The following CORO2B variants were observed in gnomAD, a reference collection of about 807,000 sequenced individuals.
The protein encoded by CORO2B is coronin-2B.
CORO2B carries 26 observed loss-of-function variants against 58.8 expected under a neutral mutation model. The ratio of observed to expected loss-of-function variants is 0.44; its 90% CI spans 0.32 to 0.61. CORO2B has a LOEUF of 0.61. CORO2B is among the 20% of genes least tolerant of loss of function. The pLI is 0.04. For missense variants in CORO2B, 460 were observed against 645.1 expected (o/e 0.71, Z 3.11); for synonymous variants, 242 against 253.8 (o/e 0.95, Z 0.44).
chr15:68,520,570 A>G, the CORO2B span, among the ~76,000 whole-genome samples: 1 of 152,328 alleles, frequency 6.6e-6, no homozygotes, highest in Admixed American at 6.5e-5. Context: ...TCTCTTGGTT[A>G]CAGTTCACAG....
chr15:68,643,861 A>C (rs1901335487), intron 1 of CORO2B, among the ~76,000 whole-genome samples: 1 of 152,056 alleles, frequency 6.6e-6, no homozygotes, highest in South Asian at 2.1e-4. Context: ...AACATGGTGA[A>C]ATCTGTCTCT....
At chr15:68,719,068 A>C in intron 9 of CORO2B, 76 bp from the exon 10 acceptor site, 1 of 1,180,090 alleles carries the variant, frequency 8.5e-7, no homozygotes, top group Non-Finnish European at 1.3e-6. Context: ...GAGATCAGTA[A>C]GAAGAGTCTG....
At chr15:68,648,599 A>C (rs1386702582) in intron 2 of CORO2B, among the ~76,000 whole-genome samples, 1 of 151,962 alleles carries the variant, frequency 6.6e-6, no homozygotes, top group East Asian at 1.9e-4. Flanking sequence ...GCAGTGAGCC[A>C]AGATTGCGCC....
intron 1 of CORO2B, among the ~76,000 whole-genome samples, chr15:68,636,916 T>C (rs1213697375): frequency 6.6e-6 from 1 of 152,224 alleles, no homozygotes; most frequent in Non-Finnish European, 1.5e-5. Flanking sequence ...TAGCCACATG[T>C]GCCTATTGAG....
the CORO2B span, among the ~76,000 whole-genome samples, chr15:68,549,977 T>TAAATAAATAAAA: frequency 6.6e-6 from 1 of 150,952 alleles, no homozygotes; most frequent in Admixed American, 6.6e-5. Context: ...AATAAATAAA[T>TAAATAAATAAAA]AAATAAAGTT....
chr15:68,641,278 A>G (rs977424011), intron 1 of CORO2B, among the ~76,000 whole-genome samples: 1 of 152,198 alleles, frequency 6.6e-6, no homozygotes, highest in Non-Finnish European at 1.5e-5. Context: ...GTGGTCCCCC[A>G]GGATGCAGCA....
At chr15:68,665,635 G>A (rs896268636) in intron 2 of CORO2B, among the ~76,000 whole-genome samples, 2 of 151,778 alleles carry the variant, frequency 1.3e-5, no homozygotes, top group Non-Finnish European at 2.9e-5. Context: ...TCCTTTTGTG[G>A]TGTATTAAAA....
intron 3 of CORO2B, among the ~76,000 whole-genome samples, chr15:68,703,175 G>A (rs1265378813): frequency 1.6e-5 from 2 of 123,356 alleles, no homozygotes; most frequent in South Asian, 2.5e-4. Context: ...TTTTTGAGAC[G>A]GAGTCTTGCT....
chr15:68,599,235 G>A (rs552233771), intron 1 of CORO2B, among the ~76,000 whole-genome samples: 7 of 152,206 alleles, frequency 4.6e-5, no homozygotes, highest in Admixed American at 1.3e-4. Context: ...ATCTCTCCTT[G>A]CTCCAAACTC....
intron 1 of CORO2B, among the ~76,000 whole-genome samples, chr15:68,614,620 G>A (rs534482993): frequency 6.6e-6 from 1 of 152,178 alleles, no homozygotes; most frequent in Admixed American, 6.5e-5. Context: ...AAGCCCCGGA[G>A]CCCTCACGGT....
chr15:68,611,758 A>G (rs1294936937), intron 1 of CORO2B, among the ~76,000 whole-genome samples: 1 of 150,862 alleles, frequency 6.6e-6, no homozygotes, highest in African/African-American at 2.4e-5. Context: ...AGGTTTTTCC[A>G]ATTTTCCACT....
chr15:68,651,530 A>G (rs1901642504), intron 2 of CORO2B, among the ~76,000 whole-genome samples: 1 of 152,176 alleles, frequency 6.6e-6, no homozygotes, highest in African/African-American at 2.4e-5. Context: ...GATTTGGACC[A>G]TTTCTTGGTG....
intron 3 of CORO2B, among the ~76,000 whole-genome samples, chr15:68,697,358 T>G (rs535425661): frequency 6.6e-6 from 1 of 152,168 alleles, no homozygotes; most frequent in East Asian, 1.9e-4. Context: ...GACAGGTGGG[T>G]AGATGGATGA....
At chr15:68,638,377 T>C (rs983295822) in intron 1 of CORO2B, among the ~76,000 whole-genome samples, 2 of 152,246 alleles carry the variant, frequency 1.3e-5, no homozygotes, top group Non-Finnish European at 2.9e-5. Context: ...TTGTGTTTGG[T>C]CACTTCATTG....
intron 2 of CORO2B, among the ~76,000 whole-genome samples, chr15:68,683,341 C>T (rs1056250145): frequency 6.6e-6 from 1 of 152,172 alleles, no homozygotes; most frequent in Non-Finnish European, 1.5e-5. Context: ...GTCCAGACCC[C>T]GCGTCCCCAG....
At chr15:68,549,731 G>T in the CORO2B span, among the ~76,000 whole-genome samples, 267 of 152,274 alleles carry the variant, frequency 1.8e-3, 2 homozygotes, top group African/African-American at 6.2e-3. Flanking sequence ...TTGAGGTCAG[G>T]AGTTCGAGAG....
At chr15:68,605,153 T>C (rs889591004) in intron 1 of CORO2B, among the ~76,000 whole-genome samples, 3 of 151,390 alleles carry the variant, frequency 2.0e-5, no homozygotes, top group African/African-American at 7.3e-5. Flanking sequence ...AAAGAAAAAC[T>C]TCAATCTCCC....
chr15:68,667,941 T>A (rs1902248375), intron 2 of CORO2B, among the ~76,000 whole-genome samples: 1 of 152,182 alleles, frequency 6.6e-6, no homozygotes, highest in African/African-American at 2.4e-5. Context: ...ATTTCTTATT[T>A]GTAAACGAGA....
intron 1 of CORO2B, chr15:68,616,662 C>T: frequency 1.0e-6 from 1 of 964,402 alleles, no homozygotes; most frequent in Non-Finnish European, 1.2e-6. Context: ...AGCAGGCAAT[C>T]CCATGTCATC....
Sources: allele counts gnomAD v4.1 joint callset (sites outside exome capture counted in the v4.1 genomes callset), GRCh38; gene constraint gnomAD v4.1.1; transcripts MANE v1.5; gene names NCBI Gene and HGNC (gene_info 2026-07-23, HGNC 2026-07-21).